The following TET3 variants were observed in gnomAD, a reference collection of about 807,000 sequenced individuals.
TET3 encodes the protein tet methylcytosine dioxygenase 3.
TET3 carries 19 observed loss-of-function variants against 141.4 expected under a neutral mutation model. The ratio of observed to expected loss-of-function variants is 0.13; its 90% CI spans 0.09 to 0.20. The LOEUF is 0.20. Ranked by LOEUF, TET3 falls within the 10% of genes least tolerant of loss-of-function variation. The pLI is 1.00. For synonymous variants in TET3, 1,043 were observed against 980.9 expected (o/e 1.06, Z -1.18); for missense variants, 1,874 against 2,356.9 (o/e 0.80, Z 4.24).
chr2:74,053,836 A>G (rs1379243568), intron 4 of TET3, among the ~76,000 whole-genome samples: 3 of 151,342 alleles, frequency 2.0e-5, no homozygotes, highest in Admixed American at 6.6e-5. Context: ...TATCACACAA[A>G]CCCCCCACCC....
chr2:74,016,148 G>C (rs1038913367), intron 3 of TET3, among the ~76,000 whole-genome samples: 5 of 152,042 alleles, frequency 3.3e-5, no homozygotes, highest in Admixed American at 3.3e-4. Context: ...CAGGAGAATT[G>C]CTTGAGGCCA....
intron 6 of TET3, among the ~76,000 whole-genome samples, chr2:74,082,561 G>A (rs1689891480): frequency 6.7e-6 from 1 of 150,204 alleles, no homozygotes; most frequent in Non-Finnish European, 1.5e-5. Context: ...GAAAAGGAGA[G>A]GAAATACTTT....
Position 74,106,732 on chromosome 2 carries a change from T to A in TET3, c.*4556T>A, listed in dbSNP as rs1439318031. The A allele has an allele frequency of 6.5e-6, 1 of 153,788 alleles. No homozygotes were observed. Among genetic ancestry groups the A allele is most frequent in the Non-Finnish European group, 1.5e-5 (1 of 68,042 alleles). The allele number at this position is 153,788 out of a possible 1,614,324, so 9.5% of individuals were successfully genotyped here. Reference sequence around the variant, plus strand: ...GGAAGCTCCATTTTGTGTCATCCACTGTCACAATAATTTTTTTAAATACCT... The same window carrying A: ...GGAAGCTCCATTTTGTGTCATCCACAGTCACAATAATTTTTTTAAATACCT... On this transcript the variant is annotated 3_prime_UTR_variant, in exon 12 of 12. Transcript: ENST00000409262.
downstream of TET3, among the ~76,000 whole-genome samples, chr2:74,108,609 A>T (rs375343469): frequency 1.8e-4 from 27 of 152,334 alleles, no homozygotes; most frequent in South Asian, 1.0e-3. Flanking sequence ...GGAACCCGAG[A>T]TTCTGCTGAC....
Position 74,087,963 on chromosome 2 carries a change from C to T in TET3, c.2813C>T (p.Thr938Ile). 1 of 1,557,264 alleles carries T rather than the reference C, an allele frequency of 6.4e-7. No individual in the cohort carries two copies. The highest frequency in any genetic ancestry group is 8.7e-7 in the Non-Finnish European group (1 of 1,150,368). The change falls in exon 7 of 12, where the codon ACC becomes ATC. Residue 938 changes from threonine (T) to isoleucine (I), a missense_variant. Physicochemically the swap from Thr to Ile is moderately conservative, Grantham distance 89 (BLOSUM62 -1). This residue lies in a region of TET3 where 126 missense variants were observed against 327.4 expected (regional missense o/e 0.38). Coordinates refer to ENST00000409262, the MANE Select transcript of TET3 (RefSeq NM_001287491.2). This position sits in a 1 kb window ranked among gnomAD's most constrained non-coding sequence, Gnocchi z 4.3. The stretch of plus-strand genomic sequence containing the variant: ...GGCATTCCCCGTAGCCTCGGAGACA[C>T]CCTCTACCAGGAGCTCACCGACACC... ...WEGIPRSLGD[T>I]LYQELTDTLR...
chr2:74,102,674 G>A lies in TET3; in HGVS notation c.*498G>A, dbSNP rs928032585. On this transcript the variant is annotated 3_prime_UTR_variant, in exon 12 of 12. Coordinates refer to ENST00000409262, the MANE Select transcript of TET3 (RefSeq NM_001287491.2). ...TAGTGCTCCCCCGCCCAGTCTCGCT[G>A]GGTCTGGCGAGCCAAGCCCCTCGGG... 2.0e-5 allele frequency: 3 copies of A among 152,172 alleles called. No homozygotes were observed. Among genetic ancestry groups the A allele is most frequent in the Admixed American group, 1.3e-4 (2 of 15,292 alleles). The allele number at this position is 152,172 out of a possible 1,614,324, so 9.4% of individuals were successfully genotyped here.
intron 3 of TET3, among the ~76,000 whole-genome samples, chr2:74,016,228 A>G (rs1018027428): frequency 5.9e-5 from 9 of 151,984 alleles, no homozygotes; most frequent in Admixed American, 3.9e-4. Context: ...GCTTGAGCCC[A>G]GGAGTTGGAC....
Position 74,047,345 on chromosome 2 carries a change from A to C in TET3, c.1428A>C (p.Ser476=). 1 of 1,614,018 alleles carries C rather than the reference A, an allele frequency of 6.2e-7. No individual in the cohort carries two copies. Residue 476 remains serine, a synonymous_variant, in exon 4 of 12, where the codon TCA becomes TCC. Coordinates refer to ENST00000409262, the MANE Select transcript of TET3 (RefSeq NM_001287491.2). The stretch of plus-strand genomic sequence containing the variant: ...GCAGCGCCAGTGATTACATCCAGTC[A>C]GTATTCAAGCGGCCTGAGGCCCTGC... ...LLGSASDYIQ[S]VFKRPEALPT...
intron 3 of TET3, among the ~76,000 whole-genome samples, chr2:74,007,948 C>T (rs928381356): frequency 6.6e-6 from 1 of 152,138 alleles, no homozygotes; most frequent in Non-Finnish European, 1.5e-5. Context: ...TTCAGTGAGG[C>T]GAGCCAAGTG....
intron 7 of TET3, among the ~76,000 whole-genome samples, chr2:74,089,401 C>CTAA (rs1690349032): frequency 6.6e-6 from 1 of 151,966 alleles, no homozygotes; most frequent in Non-Finnish European, 1.5e-5. Context: ...TATCCATCCC[C>CTAA]CAGTTAGGGG....
chr2:73,989,831 G>A (rs1333197148), intron 2 of TET3, among the ~76,000 whole-genome samples: 1 of 152,144 alleles, frequency 6.6e-6, no homozygotes, highest in Non-Finnish European at 1.5e-5. Flanking sequence ...AGGAAGCACA[G>A]TGGATAGGGC....
chr2:74,045,654 C>T (rs1016100135), intron 3 of TET3, among the ~76,000 whole-genome samples: 26 of 152,302 alleles, frequency 1.7e-4, no homozygotes, highest in African/African-American at 6.3e-4. Flanking sequence ...ATCGGCGTTT[C>T]CCTCAGGCCT....
At chr2:74,070,276 C>A (rs1689131841) in intron 4 of TET3, among the ~76,000 whole-genome samples, 3 of 152,168 alleles carry the variant, frequency 2.0e-5, no homozygotes, top group Admixed American at 1.3e-4. Flanking sequence ...GCCTCACAAT[C>A]ATGGTGAGAG....
At chr2:74,115,742 A>G in the TET3 span, among the ~76,000 whole-genome samples, 1 of 152,222 alleles carries the variant, frequency 6.6e-6, no homozygotes, top group Non-Finnish European at 1.5e-5. Flanking sequence ...AGCCAGGTGC[A>G]GTGGCTGACA....
At chr2:74,024,592 G>T (rs959073909) in intron 3 of TET3, among the ~76,000 whole-genome samples, 4 of 152,078 alleles carry the variant, frequency 2.6e-5, no homozygotes. Context: ...TGGTGGAAGG[G>T]GGATGGGATT....
chr2:73,992,786 T>A (rs1203178497), intron 2 of TET3, among the ~76,000 whole-genome samples: 1 of 152,196 alleles, frequency 6.6e-6, no homozygotes, highest in Non-Finnish European at 1.5e-5. Flanking sequence ...ATATATAATC[T>A]TAATGTCAGT....
At chr2:74,084,336 G>A (rs911073219) in intron 6 of TET3, among the ~76,000 whole-genome samples, 7 of 152,172 alleles carry the variant, frequency 4.6e-5, no homozygotes, top group Admixed American at 2.6e-4. Context: ...AAATTCAGAC[G>A]CAGAAAGTAG....
At chr2:73,992,041 G>C (rs1175264006) in intron 2 of TET3, among the ~76,000 whole-genome samples, 1 of 152,160 alleles carries the variant, frequency 6.6e-6, no homozygotes, top group East Asian at 1.9e-4. Flanking sequence ...GCATCAGGGA[G>C]TCCAGTGGCC....
At chr2:73,994,638 C>CTTTCTTTCTT (rs1553412093) in intron 2 of TET3, among the ~76,000 whole-genome samples, 1 of 96,750 alleles carries the variant, frequency 1.0e-5, no homozygotes, top group African/African-American at 6.0e-5. Flanking sequence ...TTCTTTCTTT[C>CTTTCTTTCTT]TTTTTTTTTT....
Sources: gnomAD v4.1 joint callset for allele counts (sites outside exome capture counted in the v4.1 genomes callset) on GRCh38, gnomAD v4.1.1 for gene constraint, gnomAD v4.1.1 regional missense constraint, Gnocchi (gnomAD v3.1) non-coding constraint, MANE v1.5 for transcripts, NCBI Gene and HGNC (gene_info 2026-07-23, HGNC 2026-07-21) for gene names.